The following KBTBD2 variants were observed in gnomAD, a reference collection of about 807,000 sequenced individuals.
The protein encoded by KBTBD2 is kelch repeat and BTB domain containing 2, also known as kelch repeat and BTB domain-containing protein 2.
KBTBD2 carries 17 observed loss-of-function variants against 57.1 expected under a neutral mutation model. The observed-to-expected ratio is 0.30, with a 90% CI of 0.20 to 0.45. The LOEUF is 0.45. KBTBD2 is among the 20% of genes least tolerant of loss of function. KBTBD2 has a pLI of 1.00. For missense variants in KBTBD2, 515 were observed against 750.6 expected (o/e 0.69, Z 3.67); for synonymous variants, 267 against 262.7 (o/e 1.02, Z -0.16).
intron 3 of KBTBD2, among the ~76,000 whole-genome samples, chr7:32,872,848 G>GA (rs997314187): frequency 6.6e-6 from 1 of 152,092 alleles, no homozygotes; most frequent in African/African-American, 2.4e-5. Context: ...CCTAAAATCT[G>GA]AAAAAATCTG....
At chr7:32,888,094 G>C (rs998153603) in intron 1 of KBTBD2, among the ~76,000 whole-genome samples, 2 of 152,076 alleles carry the variant, frequency 1.3e-5, no homozygotes, top group Non-Finnish European at 2.9e-5. Context: ...TTTTCATTCT[G>C]TCTAAATGGT....
intron 3 of KBTBD2, among the ~76,000 whole-genome samples, chr7:32,871,164 G>A (rs1194362700): frequency 6.6e-6 from 1 of 151,990 alleles, no homozygotes; most frequent in African/African-American, 2.4e-5. Flanking sequence ...TTAAAGAATA[G>A]GTAAGGAAAT....
At chr7:32,880,591 C>T (rs1310936578) in intron 1 of KBTBD2, among the ~76,000 whole-genome samples, 1 of 151,074 alleles carries the variant, frequency 6.6e-6, no homozygotes, top group Non-Finnish European at 1.5e-5. Context: ...TATGTTCCTA[C>T]CCAGAAAACT....
upstream of KBTBD2, chr7:32,891,993 C>G (rs1459822855): frequency 9.1e-6 from 1 of 110,070 alleles, no homozygotes; most frequent in East Asian, 2.7e-4. Context: ...CCTCGCCACG[C>G]CGCCCTCCCG....
chr7:32,875,884 G>GT (rs1784301926), intron 2 of KBTBD2, among the ~76,000 whole-genome samples: 2 of 152,148 alleles, frequency 1.3e-5, no homozygotes, highest in Non-Finnish European at 2.9e-5. Flanking sequence ...CCTTAGAACT[G>GT]TAAGAATGGG....
Position 32,879,577 on chromosome 7 carries a change from T to C in KBTBD2, c.28A>G (p.Asn10Asp). 6.2e-7 allele frequency: 1 copy of C among 1,613,524 alleles called. No homozygotes were observed. The highest frequency in any genetic ancestry group is 8.5e-7 in the Non-Finnish European group (1 of 1,179,770). The change falls in exon 2 of 4, where the codon AAT (asparagine) becomes GAT (aspartate). Residue 10 changes from asparagine to aspartate, a missense_variant. Coordinates refer to ENST00000304056, the MANE Select transcript of KBTBD2 (RefSeq NM_015483.3). Reference protein sequence around the residue: MSTQDERQINTEYAVSLLEQ... With the variant: MSTQDERQIDTEYAVSLLEQ... Reference sequence around the variant, plus strand: ...AACAATGACACAGCATATTCAGTATTGATCTGCCTCTCGTCTTGAGTGGAC... The same window carrying C: ...AACAATGACACAGCATATTCAGTATCGATCTGCCTCTCGTCTTGAGTGGAC...
At chr7:32,880,071 G>A (rs891339333) in intron 1 of KBTBD2, 129 bp from the exon 2 acceptor site, 2 of 152,148 alleles carry the variant, frequency 1.3e-5, no homozygotes, top group East Asian at 3.8e-4. Context: ...CCATAAAAGT[G>A]AAACATGACA....
chr7:32,885,576 C>T (rs1269761129), intron 1 of KBTBD2, among the ~76,000 whole-genome samples: 1 of 151,792 alleles, frequency 6.6e-6, no homozygotes, highest in East Asian at 1.9e-4. Context: ...TGGGAAATCC[C>T]TGTTATAAGC....
chr7:32,871,896 T>C (rs1481146372), intron 3 of KBTBD2, among the ~76,000 whole-genome samples: 2 of 152,120 alleles, frequency 1.3e-5, no homozygotes, highest in Admixed American at 1.3e-4. Flanking sequence ...GCAGAAGTAG[T>C]ATACGGTTTT....
At position 32,869,073 on chromosome 7, in the gene KBTBD2, C is replaced by A; in HGVS notation, c.*272G>T. On this transcript the variant is annotated 3_prime_UTR_variant, in exon 4 of 4. Coordinates refer to ENST00000304056, the MANE Select transcript of KBTBD2 (RefSeq NM_015483.3). ...TTGAACTGTACATACACAGGGCTAA[C>A]AATGTTAGATAATCCAGATTCTTAT... 1 of 321,758 alleles carries A rather than the reference C, an allele frequency of 3.1e-6. No individual in the cohort carries two copies. Among genetic ancestry groups the A allele is most frequent in the Non-Finnish European group, 5.7e-6 (1 of 175,284 alleles). 19.9% of individuals were successfully genotyped at this position (321,758 alleles called of 1,614,324 possible). A position where few individuals can be genotyped will look rare whatever the true frequency, so the allele number is the denominator to read the frequency against.
chr7:32,874,301 G>A (rs1015819707), intron 3 of KBTBD2, among the ~76,000 whole-genome samples: 2 of 152,134 alleles, frequency 1.3e-5, no homozygotes, highest in Non-Finnish European at 2.9e-5. Flanking sequence ...TCGGGAGGCT[G>A]AGGCAGGAGA....
intron 1 of KBTBD2, among the ~76,000 whole-genome samples, chr7:32,887,314 C>T (rs1194812868): frequency 6.6e-6 from 1 of 152,174 alleles, no homozygotes; most frequent in East Asian, 1.9e-4. Flanking sequence ...TGTTACTGAT[C>T]TGTTACACAG....
In KBTBD2 at chr7:32,891,598, C is replaced by T. The variant is rs929960006; in HGVS notation, c.-401G>A. The T allele has an allele frequency of 2.1e-4, 31 of 150,244 alleles. No homozygotes were observed. Among genetic ancestry groups the T allele is most frequent in the African/African-American group, 6.3e-4 (26 of 41,092 alleles). 9.3% of individuals were successfully genotyped at this position (150,244 alleles called of 1,614,324 possible). A position where few individuals can be genotyped will look rare whatever the true frequency, so the allele number is the denominator to read the frequency against. ...GCCGGTGGCCCCGTCCACACTGGGC[C>T]CCTCCGGCGCGGCGGCGGGGGCGTG... is the stretch of plus-strand genomic sequence containing the variant. On this transcript the variant is annotated 5_prime_UTR_variant, in exon 1 of 4. Transcript: ENST00000304056.
chr7:32,874,047 G>A (rs1409148075), intron 3 of KBTBD2, among the ~76,000 whole-genome samples: 2 of 151,918 alleles, frequency 1.3e-5, no homozygotes, highest in African/African-American at 4.8e-5. Flanking sequence ...AGGATTGCTT[G>A]AGCCTGGGAT....
intron 1 of KBTBD2, among the ~76,000 whole-genome samples, chr7:32,883,234 C>A (rs965236167): frequency 6.6e-6 from 1 of 151,890 alleles, no homozygotes; most frequent in Admixed American, 6.6e-5. Flanking sequence ...AAAAATTAGT[C>A]GGGTATGGTG....
At chr7:32,886,854 C>T (rs973694) in intron 1 of KBTBD2, among the ~76,000 whole-genome samples, 149,912 of 152,316 alleles carry the variant, frequency 0.98, 73,813 homozygotes, top group East Asian at 1. Flanking sequence ...TGATTATTAA[C>T]ATTAAAGGAT....
At chr7:32,885,909 CT>C (rs10671216) in intron 1 of KBTBD2, among the ~76,000 whole-genome samples, 17 of 141,576 alleles carry the variant, frequency 1.2e-4, no homozygotes, top group Admixed American at 2.8e-4. Context: ...TGTCTACACA[CT>C]TTTTTTTTTT....
chr7:32,884,976 GTATATATATATATACACATATATGTGTA>G lies in KBTBD2; in HGVS notation c.-338-5062_-338-5035del, dbSNP rs1198007414. ...TATATATATATGTGTGTATGTGTGT[GTATATATATATATACACATATATGTGTA>G]TATATATATATATACACACACATAC... On this transcript the variant is annotated intron_variant, in intron 1 of 3. Coordinates refer to ENST00000304056, the MANE Select transcript of KBTBD2 (RefSeq NM_015483.3). 2.2e-3 allele frequency among the ~76,000 whole-genome samples: 287 copies of G among 130,108 alleles called. 2 individuals are homozygous for G. Among genetic ancestry groups the G allele is most frequent in the African/African-American group, 8.2e-3 (262 of 31,876 alleles). 85.4% of individuals were successfully genotyped at this position (130,108 alleles called of 152,430 possible).
rs1784452015 is a variant in KBTBD2, at chr7:32,881,864, C to T, written c.-338-1922G>A. On this transcript the variant is annotated intron_variant, in intron 1 of 3. Coordinates refer to ENST00000304056, the MANE Select transcript of KBTBD2 (RefSeq NM_015483.3). ...AATCCCTTATTCAAAACTCTTGACA[C>T]AAGACACGCTCCAGAATTTACACTT... Among the ~76,000 whole-genome samples, 4 of 152,296 alleles carry T rather than the reference C, an allele frequency of 2.6e-5. No individual in the cohort carries two copies. The South Asian group carries it at 8.3e-4, about 32-fold the overall frequency.
Sources: allele counts gnomAD v4.1 joint callset (sites outside exome capture counted in the v4.1 genomes callset), GRCh38; gene constraint gnomAD v4.1.1; transcripts MANE v1.5; gene names NCBI Gene and HGNC (gene_info 2026-07-23, HGNC 2026-07-21).